PPP3CA: variants seen among roughly 807,000 people sequenced by gnomAD.
PPP3CA encodes protein phosphatase 3 catalytic subunit alpha, also known as CAM-PRP catalytic subunit.
Under a neutral mutation model 66.5 loss-of-function variants are expected in PPP3CA, and 14 were observed. That is an observed-to-expected ratio of 0.21 (90% CI 0.14 to 0.33). The LOEUF is 0.33. Among genes scored for constraint, PPP3CA ranks in the 10% least tolerant of loss-of-function variants. The pLI, the probability that PPP3CA is intolerant of heterozygous loss-of-function variation, is 1.00. For missense variants in PPP3CA, 317 were observed against 639.5 expected (o/e 0.50, Z 5.44); for synonymous variants, 232 against 226.2 (o/e 1.03, Z -0.23).
chr4:101,297,485 A>G (rs528971634), intron 1 of PPP3CA, among the ~76,000 whole-genome samples: 1 of 152,314 alleles, frequency 6.6e-6, no homozygotes, highest in South Asian at 2.1e-4. Context: ...GTAAGGTGAC[A>G]GAAGTGGGCC....
At chr4:101,054,314 G>A (rs1578406677) in intron 10 of PPP3CA, among the ~76,000 whole-genome samples, 1 of 151,942 alleles carries the variant, frequency 6.6e-6, no homozygotes, top group African/African-American at 2.4e-5. Flanking sequence ...ACAAAGTGAT[G>A]GGACTTTCTA....
intron 1 of PPP3CA, among the ~76,000 whole-genome samples, chr4:101,251,795 A>G (rs1423502115): frequency 6.6e-6 from 1 of 152,190 alleles, no homozygotes; most frequent in Non-Finnish European, 1.5e-5. Context: ...AGCTAGCTGG[A>G]AGAAACTTTC....
intron 1 of PPP3CA, among the ~76,000 whole-genome samples, chr4:101,242,220 A>C (rs940342838): frequency 1.3e-5 from 2 of 152,156 alleles, no homozygotes; most frequent in Non-Finnish European, 2.9e-5. Context: ...TTTACTAATG[A>C]CTGCAATAAG....
intron 1 of PPP3CA, among the ~76,000 whole-genome samples, chr4:101,297,348 G>T (rs1728229275): frequency 6.6e-6 from 1 of 152,156 alleles, no homozygotes; most frequent in Admixed American, 6.6e-5. Context: ...CCTGACACAT[G>T]GGGCAAAACT....
chr4:101,153,833 AG>A (rs1484532598), intron 2 of PPP3CA, among the ~76,000 whole-genome samples: 1 of 152,216 alleles, frequency 6.6e-6, no homozygotes. Context: ...CTGTGTGCTC[AG>A]GCATACTTCC....
chr4:101,210,544 T>TA (rs1490650264), intron 1 of PPP3CA, among the ~76,000 whole-genome samples: 1 of 152,196 alleles, frequency 6.6e-6, no homozygotes, highest in Non-Finnish European at 1.5e-5. Flanking sequence ...ACAAATTTCA[T>TA]AAGTATTCCT....
At chr4:101,101,889 T>C (rs1730459522) in intron 3 of PPP3CA, among the ~76,000 whole-genome samples, 1 of 152,168 alleles carries the variant, frequency 6.6e-6, no homozygotes, top group Non-Finnish European at 1.5e-5. Context: ...CCAATTAAAA[T>C]CTAAACTGGA....
intron 1 of PPP3CA, among the ~76,000 whole-genome samples, chr4:101,324,473 A>G (rs142066766): frequency 3.9e-4 from 59 of 152,322 alleles, no homozygotes; most frequent in Admixed American, 7.8e-4. Flanking sequence ...CTAAACGAAC[A>G]AAGTATGTGC....
chr4:101,338,900 T>G (rs756339832), intron 1 of PPP3CA, among the ~76,000 whole-genome samples: 1 of 152,252 alleles, frequency 6.6e-6, no homozygotes, highest in Non-Finnish European at 1.5e-5. Context: ...CAAACTTGAA[T>G]TCCTGACTCA....
At chr4:101,145,952 T>G (rs1722955815) in intron 2 of PPP3CA, among the ~76,000 whole-genome samples, 1 of 152,176 alleles carries the variant, frequency 6.6e-6, no homozygotes. Flanking sequence ...GCTAATCTTG[T>G]CCCTTTGAAC....
At chr4:101,135,243 C>T (rs1450509024) in intron 2 of PPP3CA, among the ~76,000 whole-genome samples, 3 of 109,590 alleles carry the variant, frequency 2.7e-5, no homozygotes, top group Admixed American at 2.7e-4. Context: ...TTTAATCCTT[C>T]TCAAAAAAAA....
At chr4:101,280,910 G>A (rs17031109) in intron 1 of PPP3CA, among the ~76,000 whole-genome samples, 2,099 of 151,674 alleles carry the variant, frequency 0.014, 51 homozygotes, top group African/African-American at 0.048. Context: ...ATAGAAAAGA[G>A]AAGGGGGCAT....
intron 1 of PPP3CA, among the ~76,000 whole-genome samples, chr4:101,329,924 C>G (rs955910970): frequency 6.6e-6 from 1 of 152,048 alleles, no homozygotes. Context: ...CATCCAAGAG[C>G]TCTGATCTTG....
intron 2 of PPP3CA, among the ~76,000 whole-genome samples, chr4:101,184,595 TA>T (rs1724349081): frequency 6.6e-6 from 1 of 151,848 alleles, no homozygotes; most frequent in South Asian, 2.1e-4. Flanking sequence ...TGAAATACAT[TA>T]TTAAAAATAA....
At chr4:101,346,557 AGG>A (rs1206464720) in intron 1 of PPP3CA, among the ~76,000 whole-genome samples, 180 bp downstream of exon 1, 1 of 150,158 alleles carries the variant, frequency 6.7e-6, no homozygotes, top group Non-Finnish European at 1.5e-5. Context: ...GCGTGGGGGA[AGG>A]GCGCCGCGGG....
At chr4:101,031,384 C>A (rs1726951848) in intron 12 of PPP3CA, among the ~76,000 whole-genome samples, 1 of 152,076 alleles carries the variant, frequency 6.6e-6, no homozygotes, top group Non-Finnish European at 1.5e-5. Flanking sequence ...CATCTAATAG[C>A]AATCTCCTAT....
At chr4:101,173,843 G>A (rs931002315) in intron 2 of PPP3CA, among the ~76,000 whole-genome samples, 12 of 152,038 alleles carry the variant, frequency 7.9e-5, no homozygotes, top group South Asian at 2.1e-4. Flanking sequence ...TTGAGGCCAC[G>A]ACTTTGAAAC....
chr4:101,149,045 C>T (rs1321239803), intron 2 of PPP3CA, among the ~76,000 whole-genome samples: 1 of 151,836 alleles, frequency 6.6e-6, no homozygotes, highest in African/African-American at 2.4e-5. Context: ...TAAAAAGTAA[C>T]AAAAAGTTTA....
At chr4:101,227,231 C>A (rs1452581674) in intron 1 of PPP3CA, among the ~76,000 whole-genome samples, 1 of 151,696 alleles carries the variant, frequency 6.6e-6, no homozygotes, top group East Asian at 1.9e-4. Context: ...AAAATGAATC[C>A]TCATCAATTT....
Sources: gnomAD v4.1 joint callset for allele counts (sites outside exome capture counted in the v4.1 genomes callset) on GRCh38, gnomAD v4.1.1 for gene constraint, MANE v1.5 for transcripts, NCBI Gene and HGNC (gene_info 2026-07-23, HGNC 2026-07-21) for gene names.